Variants in SDCBP2 observed in about 807,000 individuals in gnomAD.
SDCBP2 encodes the protein syntenin-2.
A neutral mutation model predicts 30.7 loss-of-function variants in SDCBP2; 28 were observed. The ratio of observed to expected loss-of-function variants is 0.91; its 90% CI spans 0.68 to 1.25. The LOEUF (loss-of-function observed/expected upper bound fraction) is 1.25. Ranked by LOEUF, SDCBP2 falls within the 50% of genes most tolerant of loss-of-function variation. The pLI is 0.00. For synonymous variants in SDCBP2, 166 were observed against 157.3 expected, an observed-to-expected ratio of 1.06 and a Z score of -0.41; for missense variants, 399 against 379.0, an observed-to-expected ratio of 1.05 and a Z score of -0.44.
chr20:1,328,516 G>A (rs1187247833), intron 1 of SDCBP2, among the ~76,000 whole-genome samples: 4 of 152,296 alleles, frequency 2.6e-5, no homozygotes, highest in Non-Finnish European at 4.4e-5. Context: ...ACCCTGCTGA[G>A]GAGGGCATGC....
At chr20:1,311,212 C>T (rs745820099) in intron 7 of SDCBP2, 18 of 253,164 alleles carry the variant, frequency 7.1e-5, no homozygotes, top group Non-Finnish European at 1.3e-4. Flanking sequence ...CGATTCTCCT[C>T]CCCCTTCCAA....
In SDCBP2 at chr20:1,313,478, C is replaced by T. The variant is rs754918001; in HGVS notation, c.246G>A (p.Gly82=). Residue 82 remains glycine (G), a synonymous_variant, in exon 5 of 9, where the codon GGG becomes GGA. Coordinates refer to ENST00000360779, the MANE Select transcript of SDCBP2 (RefSeq NM_080489.5). This position sits in a 1 kb window ranked among gnomAD's most constrained non-coding sequence, Gnocchi z 5.2. ...TTACCGGTGCCACCATCTGGCCGGG[C>T]CCGGGGCCCGAGACCGCTGTCTGCA... ...EGDSTAVSGP[G]PGQMVAPVTG... is the part of the protein sequence containing the mutation. 82 of 1,593,808 alleles carry T rather than the reference C, an allele frequency of 5.1e-5. No homozygotes were observed. Among genetic ancestry groups the T allele is most frequent in the Non-Finnish European group, 9.4e-6 (11 of 1,173,568 alleles).
In SDCBP2 at chr20:1,310,318, G is replaced by A. The variant is rs115117404; in HGVS notation, c.*123C>T. 3,911 of 968,432 alleles carry A rather than the reference G, an allele frequency of 4.0e-3. 100 individuals carry two copies. In the African/African-American group the frequency reaches 0.055, roughly 14 times the overall value. The allele number at this position is 968,432 out of a possible 1,614,324, so 60.0% of individuals were successfully genotyped here. ...ATCCCATGGTCACCCTCCTGGACAC[G>A]CCCCCCTCATGGCAGCCCCCACCTT... On this transcript the variant is annotated 3_prime_UTR_variant, in exon 9 of 9. Transcript: ENST00000360779.
rs182608808 is a variant in SDCBP2 at position 1,318,060 on chromosome 20, C to A, written c.225+258G>T. The A allele has an allele frequency of 4.7e-5, 25 of 527,622 alleles. No homozygotes were observed. The East Asian group carries it at 1.1e-3, about 23-fold the overall frequency. 32.7% of individuals were successfully genotyped at this position (527,622 alleles called of 1,614,324 possible). A position where few individuals can be genotyped will look rare whatever the true frequency, so the allele number is the denominator to read the frequency against. On this transcript the variant is annotated intron_variant, in intron 4 of 8. Transcript: ENST00000360779. ...CTTAATGACCTCCCTTCTCATCCAG[C>A]TCAGGCCCAAGGTCAAAGGGCAAGC...
At chr20:1,319,435 AG>A in intron 3 of SDCBP2, 154 bp downstream of exon 3, 1 of 764,012 alleles carries the variant, frequency 1.3e-6, no homozygotes, top group Admixed American at 2.2e-5. Context: ...AGGCAGTAAG[AG>A]GTGGGTGGCA....
In SDCBP2 at chr20:1,310,350, C is replaced by G. The variant is rs2088641566; in HGVS notation, c.*91G>C. On this transcript the variant is annotated 3_prime_UTR_variant, in exon 9 of 9. Transcript: ENST00000360779. The stretch of plus-strand genomic sequence containing the variant: ...TCATGGCAGCCCCCACCTTAAGCAG[C>G]AGGCCGGCTGCAACCCATCATCCGA... 7.4e-7 allele frequency: 1 copy of G among 1,354,804 alleles called. No homozygotes were observed. The highest frequency in any genetic ancestry group is 1.4e-5 in the African/African-American group (1 of 69,842). 83.9% of individuals were successfully genotyped at this position (1,354,804 alleles called of 1,614,324 possible). A position where few individuals can be genotyped will look rare whatever the true frequency, so the allele number is the denominator to read the frequency against.
intron 4 of SDCBP2, among the ~76,000 whole-genome samples, chr20:1,315,107 A>G (rs550239284): frequency 1.2e-3 from 180 of 152,380 alleles, no homozygotes; most frequent in Middle Eastern, 0.01. Flanking sequence ...GACTTATTAT[A>G]TATAGCTACA....
intron 5 of SDCBP2, 158 bp from the exon 6 acceptor site, chr20:1,312,920 G>T: frequency 2.6e-6 from 2 of 754,916 alleles, no homozygotes; most frequent in South Asian, 1.9e-5. Context: ...ATTTACCGGG[G>T]AGGAAACACT....
rs199613758 is a variant in SDCBP2 at position 1,312,322 on chromosome 20, C to A, written c.732+15G>T. On this transcript the variant is annotated intron_variant, in intron 7 of 8. Transcript: ENST00000360779. ...ACCACCCGGCAGTCCCTCCCTGGTG[C>A]GGCCACCAGCCTACCTTCAGCCCGA... 1.2e-6 allele frequency: 2 copies of A among 1,609,582 alleles called. No individual in the cohort carries two copies. Among genetic ancestry groups the A allele is most frequent in the African/African-American group, 1.3e-5 (1 of 74,762 alleles).
intron 5 of SDCBP2, 42 bp from the exon 6 acceptor site, chr20:1,312,804 C>T: frequency 6.4e-7 from 1 of 1,563,218 alleles, no homozygotes; most frequent in Non-Finnish European, 8.7e-7. Context: ...CCTGGCCCAC[C>T]CTAGGCACAG....
chr20:1,324,914 C>G lies in SDCBP2; in HGVS notation c.-20+4171G>C, dbSNP rs562125465. On this transcript the variant is annotated intron_variant, in intron 1 of 8. Coordinates refer to ENST00000360779, the MANE Select transcript of SDCBP2 (RefSeq NM_080489.5). This position sits in a 1 kb window ranked among gnomAD's most constrained non-coding sequence, Gnocchi z 4.7. ...GGTACAAGCGTGATCGGGTGTAAGC[C>G]AGCCTCAGCTTTTACAAAGTGAAAT... Among the ~76,000 whole-genome samples, 3 of 152,326 alleles carry G rather than the reference C, an allele frequency of 2.0e-5. No homozygotes were observed. The highest frequency in any genetic ancestry group is 7.2e-5 in the African/African-American group (3 of 41,568).
rs761443180 is a variant in SDCBP2 at position 1,324,126 on chromosome 20, T to C, written c.-19-3691A>G. On this transcript the variant is annotated intron_variant, in intron 1 of 8. Transcript: ENST00000360779. The surrounding 1 kb of genome is among the most constrained non-coding windows in gnomAD (Gnocchi z 4.7). ...CTCTGCTTGGCTTTTCCAGACTGCA[T>C]GATACCCAGGCTGCCTGGCTGGGTC... 1 of 152,276 alleles carries C rather than the reference T, an allele frequency of 6.6e-6. No individual in the cohort carries two copies. The highest frequency in any genetic ancestry group is 1.5e-5 in the Non-Finnish European group (1 of 68,080). 9.4% of individuals were successfully genotyped at this position (152,276 alleles called of 1,614,324 possible).
intron 4 of SDCBP2, among the ~76,000 whole-genome samples, chr20:1,314,542 G>GGAAAA (rs1426105076): frequency 9.4e-6 from 1 of 106,420 alleles, no homozygotes; most frequent in African/African-American, 3.6e-5. Flanking sequence ...AGAAAAGAAA[G>GGAAAA]GAAAAGAAAA....
intron 4 of SDCBP2, 154 bp downstream of exon 4, chr20:1,318,164 T>G: frequency 1.5e-6 from 1 of 678,934 alleles, no homozygotes; most frequent in Non-Finnish European, 2.7e-6. Context: ...AGCCTCAAAA[T>G]GAACGGTGCC....
At chr20:1,311,322 C>T (rs1416181698) in intron 7 of SDCBP2, among the ~76,000 whole-genome samples, 23 of 152,192 alleles carry the variant, frequency 1.5e-4, no homozygotes, top group Non-Finnish European at 2.1e-4. Context: ...CGTACCCATC[C>T]ACCCTCTGGC....
rs1419613009 is a variant in SDCBP2 at position 1,313,569 on chromosome 20, G to C, written c.226-71C>G. 4 of 1,475,198 alleles carry C rather than the reference G, an allele frequency of 2.7e-6. No individual in the cohort carries two copies. In the African/African-American group the frequency reaches 5.6e-5, roughly 21 times the overall value. 91.4% of individuals were successfully genotyped at this position (1,475,198 alleles called of 1,614,324 possible). Reference sequence around the variant, plus strand: ...CTGTGCCTCAGGAGACACTGGGGTGGGGGTAGGGATGGGGAAAGGAGGATG... The same window carrying C: ...CTGTGCCTCAGGAGACACTGGGGTGCGGGTAGGGATGGGGAAAGGAGGATG... On this transcript the variant is annotated intron_variant, in intron 4 of 8. Transcript: ENST00000360779. This position sits in a 1 kb window ranked among gnomAD's most constrained non-coding sequence, Gnocchi z 5.2.
At chr20:1,327,252 C>T (rs756356498) in intron 1 of SDCBP2, among the ~76,000 whole-genome samples, 7 of 152,168 alleles carry the variant, frequency 4.6e-5, no homozygotes, top group Non-Finnish European at 7.3e-5. Context: ...AGCTGGGCTT[C>T]GGAGATCAGC....
intron 8 of SDCBP2, 139 bp downstream of exon 8, chr20:1,310,661 G>T: frequency 1.0e-6 from 1 of 1,004,982 alleles, no homozygotes; most frequent in East Asian, 2.5e-5. Context: ...GGGGAAGGGA[G>T]GATAGAGCTG....
chr20:1,311,679 G>C (rs559697282), intron 7 of SDCBP2, among the ~76,000 whole-genome samples: 1 of 152,332 alleles, frequency 6.6e-6, no homozygotes. Context: ...ATCTCAAGAA[G>C]TGTGGCTGGC....
Sources: allele counts gnomAD v4.1 joint callset (sites outside exome capture counted in the v4.1 genomes callset), GRCh38; gene constraint gnomAD v4.1.1; non-coding constraint Gnocchi (gnomAD v3.1); transcripts MANE v1.5; gene names NCBI Gene and HGNC (gene_info 2026-07-23, HGNC 2026-07-21).